Variants in ITGA9 observed in about 807,000 individuals in gnomAD.
The protein encoded by ITGA9 is integrin subunit alpha 9, also known as integrin alpha-9.
In ITGA9, 56 loss-of-function variants were observed where a neutral mutation model predicts 127.8. The observed-to-expected ratio is 0.44, with a 90% CI of 0.35 to 0.55. The LOEUF (loss-of-function observed/expected upper bound fraction) is 0.55, where lower values mean the gene tolerates loss of function less well. ITGA9 is among the 20% of genes least tolerant of loss of function. ITGA9 has a pLI of 0.00. For synonymous variants in ITGA9, 508 were observed against 514.5 expected (o/e 0.99, Z 0.17); for missense variants, 1,196 against 1,347.1 (o/e 0.89, Z 1.76).
chr3:37,646,666 C>T (rs548364170), intron 16 of ITGA9, among the ~76,000 whole-genome samples: 1 of 152,332 alleles, frequency 6.6e-6, no homozygotes, highest in African/African-American at 2.4e-5. Flanking sequence ...CTTTGGCCAA[C>T]TAGCAGGTGA....
chr3:37,567,905 A>G (rs917747153), intron 15 of ITGA9, among the ~76,000 whole-genome samples: 20 of 152,106 alleles, frequency 1.3e-4, no homozygotes, highest in Admixed American at 1.3e-3. Flanking sequence ...TTCCAGGTTC[A>G]TGGCACAAGC....
chr3:37,748,983 G>C (rs1229243514), intron 22 of ITGA9: 2 of 498,594 alleles, frequency 4.0e-6, no homozygotes, highest in Non-Finnish European at 7.1e-6. Flanking sequence ...CATTGACATA[G>C]CTTCTTGTAT....
intron 15 of ITGA9, among the ~76,000 whole-genome samples, chr3:37,563,122 C>G (rs1490399708): frequency 2.0e-5 from 3 of 152,086 alleles, no homozygotes; most frequent in African/African-American, 7.2e-5. Flanking sequence ...AGATATTCTA[C>G]TAGAAGTTTA....
intron 13 of ITGA9, among the ~76,000 whole-genome samples, chr3:37,527,143 A>G (rs1436636051): frequency 6.6e-6 from 1 of 152,220 alleles, no homozygotes; most frequent in Non-Finnish European, 1.5e-5. Flanking sequence ...AGCAATACAG[A>G]TGCTCCTTGA....
intron 15 of ITGA9, among the ~76,000 whole-genome samples, chr3:37,555,801 C>T (rs1338446093): frequency 6.6e-6 from 1 of 152,146 alleles, no homozygotes; most frequent in East Asian, 1.9e-4. Flanking sequence ...CATACAGGCC[C>T]CATATACAAT....
chr3:37,722,007 A>G (rs1053534440), intron 18 of ITGA9, among the ~76,000 whole-genome samples: 1 of 152,142 alleles, frequency 6.6e-6, no homozygotes, highest in African/African-American at 2.4e-5. Flanking sequence ...ACTTGGAACC[A>G]AGTCCAAACT....
At chr3:37,697,269 C>G (rs1700894444) in intron 18 of ITGA9, among the ~76,000 whole-genome samples, 1 of 151,506 alleles carries the variant, frequency 6.6e-6, no homozygotes, top group African/African-American at 2.4e-5. Flanking sequence ...TCTTTCTGGA[C>G]CCGTCAGCAT....
chr3:37,811,884 G>A (rs982398184), intron 27 of ITGA9, among the ~76,000 whole-genome samples: 1 of 152,246 alleles, frequency 6.6e-6, no homozygotes, highest in Middle Eastern at 3.2e-3. Flanking sequence ...AGCTGGGGCT[G>A]TTCCAAGAGC....
chr3:37,666,559 A>C (rs72857282), intron 17 of ITGA9, among the ~76,000 whole-genome samples: 1 of 152,136 alleles, frequency 6.6e-6, no homozygotes, highest in African/African-American at 2.4e-5. Context: ...GTTCCTCCGC[A>C]TGGTCTCTCC....
intron 15 of ITGA9, among the ~76,000 whole-genome samples, chr3:37,549,203 G>A (rs1345968434): frequency 6.6e-6 from 1 of 152,168 alleles, no homozygotes; most frequent in East Asian, 1.9e-4. Flanking sequence ...TGTTCAGCAT[G>A]GGAGCTGATA....
chr3:37,685,650 T>C (rs964268031), intron 18 of ITGA9, among the ~76,000 whole-genome samples: 1 of 152,224 alleles, frequency 6.6e-6, no homozygotes, highest in East Asian at 1.9e-4. Context: ...AATTGGCAAC[T>C]GGCTCATTAC....
chr3:37,748,760 A>AT (rs1344504857), intron 22 of ITGA9: 1 of 634,488 alleles, frequency 1.6e-6, no homozygotes, highest in Non-Finnish European at 2.8e-6. Flanking sequence ...AAAAAAAAAA[A>AT]AAAAAAAGAA....
intron 17 of ITGA9, among the ~76,000 whole-genome samples, chr3:37,682,459 C>T (rs1192873162): frequency 1.3e-5 from 2 of 152,238 alleles, no homozygotes; most frequent in African/African-American, 4.8e-5. Context: ...CCTCTTCCTT[C>T]TCTAGCCATG....
intron 15 of ITGA9, among the ~76,000 whole-genome samples, chr3:37,561,786 C>G (rs1056784339): frequency 6.6e-6 from 1 of 152,162 alleles, no homozygotes; most frequent in African/African-American, 2.4e-5. Flanking sequence ...GTAACAATTA[C>G]TGGGGTCATG....
intron 17 of ITGA9, among the ~76,000 whole-genome samples, chr3:37,654,870 G>A (rs1323493536): frequency 6.6e-6 from 1 of 151,828 alleles, no homozygotes; most frequent in Non-Finnish European, 1.5e-5. Flanking sequence ...AGGCCCCGGT[G>A]TGTGATATTC....
At chr3:37,675,573 C>T (rs371427848) in intron 17 of ITGA9, among the ~76,000 whole-genome samples, 44 of 152,168 alleles carry the variant, frequency 2.9e-4, no homozygotes, top group African/African-American at 8.9e-4. Flanking sequence ...GGCTCATTTG[C>T]ACAACATACA....
intron 15 of ITGA9, among the ~76,000 whole-genome samples, chr3:37,570,304 G>A (rs1157596433): frequency 1.3e-5 from 2 of 152,216 alleles, no homozygotes; most frequent in South Asian, 2.1e-4. Context: ...CAAAAGATTC[G>A]TGAACTGCAT....
chr3:37,781,135 C>A (rs1371759881), intron 25 of ITGA9, among the ~76,000 whole-genome samples: 1 of 152,248 alleles, frequency 6.6e-6, no homozygotes, highest in Non-Finnish European at 1.5e-5. Flanking sequence ...GCATCAGAAT[C>A]ACCTGGAGAT....
intron 1 of ITGA9, among the ~76,000 whole-genome samples, chr3:37,468,246 C>T (rs1210795866): frequency 6.6e-6 from 1 of 151,958 alleles, no homozygotes; most frequent in Non-Finnish European, 1.5e-5. Flanking sequence ...AGTCTTGCTT[C>T]TCTCACTCCC....
Sources: gnomAD v4.1 joint callset for allele counts (sites outside exome capture counted in the v4.1 genomes callset) on GRCh38, gnomAD v4.1.1 for gene constraint, MANE v1.5 for transcripts, NCBI Gene and HGNC (gene_info 2026-07-23, HGNC 2026-07-21) for gene names.